SPIDR: variants seen among roughly 807,000 people sequenced by gnomAD.
SPIDR encodes scaffold protein involved in DNA repair, also known as DNA repair-scaffolding protein.
SPIDR carries 93 observed loss-of-function variants against 104.6 expected under a neutral mutation model. That is an observed-to-expected ratio of 0.89 (90% CI 0.75 to 1.06). The LOEUF is 1.06. Ranked by LOEUF, SPIDR falls within the 50% of genes least tolerant of loss-of-function variation. The pLI, the probability that SPIDR is intolerant of heterozygous loss-of-function variation, is 0.00. For missense variants in SPIDR, 1,154 were observed against 1,111.2 expected (o/e 1.04, Z -0.55); for synonymous variants, 431 against 416.9 (o/e 1.03, Z -0.41).
At chr8:47,550,001 A>T (rs533472180) in intron 8 of SPIDR, among the ~76,000 whole-genome samples, 3 of 152,192 alleles carry the variant, frequency 2.0e-5, no homozygotes, top group Non-Finnish European at 4.4e-5. Flanking sequence ...CAGTTTTCCC[A>T]GCACCATTTA....
At chr8:47,523,935 T>G (rs2084586591) in intron 8 of SPIDR, among the ~76,000 whole-genome samples, 1 of 152,096 alleles carries the variant, frequency 6.6e-6, no homozygotes, top group Non-Finnish European at 1.5e-5. Context: ...GAGATGGCAG[T>G]TTTGTCCACA....
intron 8 of SPIDR, among the ~76,000 whole-genome samples, chr8:47,494,122 G>A (rs1417579793): frequency 6.6e-6 from 1 of 151,592 alleles, no homozygotes; most frequent in Non-Finnish European, 1.5e-5. Flanking sequence ...TTTTGTAGCT[G>A]GGACTCCACC....
chr8:47,354,379 T>A (rs982549897), intron 5 of SPIDR, among the ~76,000 whole-genome samples: 2 of 151,938 alleles, frequency 1.3e-5, no homozygotes, highest in Non-Finnish European at 1.5e-5. Context: ...TTTTTTTGCA[T>A]TAAAAATGCA....
chr8:47,547,040 A>C (rs2089524394), intron 8 of SPIDR: 1 of 507,048 alleles, frequency 2.0e-6, no homozygotes. Context: ...TAGCACCTCC[A>C]GTCACCATCC....
chr8:47,417,717 G>C (rs1406780062), intron 7 of SPIDR, among the ~76,000 whole-genome samples: 1 of 152,174 alleles, frequency 6.6e-6, no homozygotes, highest in Non-Finnish European at 1.5e-5. Context: ...GTCCTGAATG[G>C]TATTGCCTAG....
intron 14 of SPIDR, among the ~76,000 whole-genome samples, chr8:47,703,420 C>T (rs1398680591): frequency 6.6e-6 from 1 of 152,206 alleles, no homozygotes; most frequent in Non-Finnish European, 1.5e-5. Flanking sequence ...GTTAAATCAA[C>T]TTCTCTTCCA....
chr8:47,677,543 C>T (rs1589107647), intron 11 of SPIDR, among the ~76,000 whole-genome samples: 1 of 152,078 alleles, frequency 6.6e-6, no homozygotes, highest in African/African-American at 2.4e-5. Context: ...CTTGAAGGGC[C>T]GTTTTACAGT....
chr8:47,528,190 G>A (rs1013086015), intron 8 of SPIDR: 5 of 151,984 alleles, frequency 3.3e-5, no homozygotes, highest in African/African-American at 9.7e-5. Context: ...GTTCACATGG[G>A]GCCAATCTGT....
intron 11 of SPIDR, among the ~76,000 whole-genome samples, chr8:47,683,336 A>G (rs1589152943): frequency 6.6e-6 from 1 of 152,206 alleles, no homozygotes; most frequent in South Asian, 2.1e-4. Context: ...CCCTCAAGGC[A>G]TTTACACTCC....
chr8:47,467,159 AC>A (rs1554717967), intron 8 of SPIDR, among the ~76,000 whole-genome samples: 1 of 152,086 alleles, frequency 6.6e-6, no homozygotes, highest in Non-Finnish European at 1.5e-5. Context: ...CCAGGATTGA[AC>A]TAGGAAGAAA....
chr8:47,293,843 C>A, intron 4 of SPIDR, 24 bp from the exon 5 acceptor site: 1 of 1,582,658 alleles, frequency 6.3e-7, no homozygotes, highest in South Asian at 1.1e-5. Flanking sequence ...GATAATTAAG[C>A]AAGTTAAAAA....
intron 1 of SPIDR, among the ~76,000 whole-genome samples, chr8:47,277,468 C>T (rs975320731): frequency 6.6e-6 from 1 of 151,112 alleles, no homozygotes; most frequent in Admixed American, 6.6e-5. Context: ...TGGGCTCAAG[C>T]GATTGTCTCG....
chr8:47,344,297 C>A (rs1441826871), intron 5 of SPIDR, among the ~76,000 whole-genome samples: 2 of 152,140 alleles, frequency 1.3e-5, no homozygotes. Flanking sequence ...AGGACATGAA[C>A]TCATCCTTTT....
chr8:47,671,971 G>A (rs2075863113), intron 10 of SPIDR, among the ~76,000 whole-genome samples: 1 of 151,708 alleles, frequency 6.6e-6, no homozygotes, highest in Admixed American at 6.6e-5. Flanking sequence ...CTTTGTTTTT[G>A]TTTTGAGACA....
At chr8:47,346,941 GTC>G (rs2052227858) in intron 5 of SPIDR, among the ~76,000 whole-genome samples, 1 of 151,936 alleles carries the variant, frequency 6.6e-6, no homozygotes, top group Non-Finnish European at 1.5e-5. Flanking sequence ...GTTTTTTTGT[GTC>G]TCTGTCTCCT....
At chr8:47,668,329 T>A (rs973117031) in intron 10 of SPIDR, among the ~76,000 whole-genome samples, 1 of 152,206 alleles carries the variant, frequency 6.6e-6, no homozygotes, top group Admixed American at 6.5e-5. Flanking sequence ...ATCTTGGCTT[T>A]ACATCAAAAG....
intron 11 of SPIDR, among the ~76,000 whole-genome samples, chr8:47,676,397 G>A (rs559299056): frequency 3.5e-4 from 53 of 152,036 alleles, no homozygotes; most frequent in African/African-American, 1.3e-3. Flanking sequence ...TTGTGTTCTT[G>A]TTCTTTTGGA....
At chr8:47,449,409 G>C (rs994334802) in intron 8 of SPIDR, among the ~76,000 whole-genome samples, 6 of 152,176 alleles carry the variant, frequency 3.9e-5, no homozygotes, top group Admixed American at 2.6e-4. Flanking sequence ...TGGGTTTTTA[G>C]TATAACCCAT....
At chr8:47,490,613 T>A (rs1554738443) in intron 8 of SPIDR, among the ~76,000 whole-genome samples, 3 of 152,162 alleles carry the variant, frequency 2.0e-5, no homozygotes, top group African/African-American at 7.2e-5. Context: ...CCAACAATGA[T>A]AGACTGGATT....
Sources: allele counts gnomAD v4.1 joint callset (sites outside exome capture counted in the v4.1 genomes callset), GRCh38; gene constraint gnomAD v4.1.1; transcripts MANE v1.5; gene names NCBI Gene and HGNC (gene_info 2026-07-23, HGNC 2026-07-21).